Variants in MECOM observed in about 807,000 individuals in gnomAD.
MECOM encodes the protein histone-lysine N-methyltransferase MECOM.
In MECOM, 13 loss-of-function variants were observed where a neutral mutation model predicts 116.3. That is an observed-to-expected ratio of 0.11 (90% CI 0.07 to 0.18). The LOEUF is 0.18. MECOM is among the 10% of genes least tolerant of loss of function. The pLI is 1.00. For missense variants in MECOM, 1,299 were observed against 1,509.0 expected (o/e 0.86, Z 2.31); for synonymous variants, 528 against 535.2 (o/e 0.99, Z 0.19).
intron 2 of MECOM, among the ~76,000 whole-genome samples, chr3:169,161,731 G>A (rs1169585629): frequency 1.3e-5 from 2 of 152,082 alleles, no homozygotes; most frequent in Admixed American, 1.3e-4. Context: ...AACAGAATGA[G>A]GAGAAAGGGA....
intron 2 of MECOM, among the ~76,000 whole-genome samples, chr3:169,378,475 A>AG (rs1731632914): frequency 1.1e-4 from 5 of 43,780 alleles, no homozygotes; most frequent in East Asian, 5.6e-4. Context: ...GCAAGCAAGC[A>AG]AGAAAGAGAG....
rs893369472 is a variant in MECOM, at chr3:169,472,857, G to A, written c.38-91333C>T. 5.7e-5 allele frequency: 25 copies of A among 439,850 alleles called. No individual in the cohort carries two copies. The Admixed American group carries it at 1.5e-3, about 27-fold the overall frequency. The allele number at this position is 439,850 out of a possible 1,614,324, so 27.2% of individuals were successfully genotyped here. ...GTGTTTAACCGACATAAAGTTCAAA[G>A]ACAAGGTCTTAATGACTGCTTACTA... On this transcript the variant is annotated intron_variant, in intron 1 of 16. Transcript: ENST00000651503.
chr3:169,599,430 T>G (rs1370872444), intron 1 of MECOM, among the ~76,000 whole-genome samples: 2 of 151,372 alleles, frequency 1.3e-5, no homozygotes, highest in Non-Finnish European at 2.9e-5. Flanking sequence ...GGAGAATCAC[T>G]TGAACCCAGG....
intron 2 of MECOM, among the ~76,000 whole-genome samples, chr3:169,195,222 G>T (rs1219564139): frequency 6.6e-6 from 1 of 152,016 alleles, no homozygotes; most frequent in Non-Finnish European, 1.5e-5. Context: ...AATTAAACAA[G>T]ATCCTGAATA....
intron 2 of MECOM, among the ~76,000 whole-genome samples, chr3:169,238,174 CAA>C (rs869078937): frequency 1.1e-4 from 8 of 72,062 alleles, no homozygotes; most frequent in Non-Finnish European, 1.9e-4. Context: ...GACTCCATCT[CAA>C]AAAAAAAAAA....
chr3:169,123,844 C>T (rs1172597669), intron 5 of MECOM, among the ~76,000 whole-genome samples: 1 of 152,052 alleles, frequency 6.6e-6, no homozygotes, highest in Non-Finnish European at 1.5e-5. Context: ...AACAGCAACT[C>T]TTTTATCAAT....
intron 1 of MECOM, among the ~76,000 whole-genome samples, chr3:169,556,295 C>T (rs901472614): frequency 1.3e-5 from 2 of 152,098 alleles, no homozygotes; most frequent in Non-Finnish European, 2.9e-5. Context: ...CAGGCTGACT[C>T]GGGGCTCCCA....
intron 2 of MECOM, among the ~76,000 whole-genome samples, chr3:169,287,571 A>G (rs1713586985): frequency 6.6e-6 from 1 of 152,226 alleles, no homozygotes; most frequent in Non-Finnish European, 1.5e-5. Context: ...AGAAACAAAC[A>G]TGGGTAGTTG....
At chr3:169,120,928 A>G (rs895778181) in intron 7 of MECOM, 128 bp downstream of exon 7, 6 of 850,322 alleles carry the variant, frequency 7.1e-6, no homozygotes, top group Non-Finnish European at 1.0e-5. Context: ...AAATAGCCCT[A>G]CTGGATTGGA....
intron 1 of MECOM, among the ~76,000 whole-genome samples, chr3:169,477,703 T>C (rs1378696429): frequency 6.6e-6 from 1 of 152,214 alleles, no homozygotes; most frequent in Non-Finnish European, 1.5e-5. Flanking sequence ...TAAATCCTTA[T>C]GCAGACTTTT....
At chr3:169,517,610 G>A (rs1345597333) in intron 1 of MECOM, among the ~76,000 whole-genome samples, 1 of 151,842 alleles carries the variant, frequency 6.6e-6, no homozygotes, top group Non-Finnish European at 1.5e-5. Flanking sequence ...AAAGTTTTTC[G>A]ATAATCTTAT....
At chr3:169,381,990 T>C (rs946988050) in intron 1 of MECOM, among the ~76,000 whole-genome samples, 9 of 152,196 alleles carry the variant, frequency 5.9e-5, no homozygotes, top group African/African-American at 2.2e-4. Context: ...GGCTGCCATG[T>C]GCCACAAGGC....
intron 1 of MECOM, among the ~76,000 whole-genome samples, chr3:169,385,269 A>G (rs1276006898): frequency 6.6e-6 from 1 of 152,206 alleles, no homozygotes; most frequent in Non-Finnish European, 1.5e-5. Context: ...GTGTGTGCCC[A>G]GGCAGCTGCA....
chr3:169,328,792 T>C (rs1210767927), intron 2 of MECOM, among the ~76,000 whole-genome samples: 1 of 152,146 alleles, frequency 6.6e-6, no homozygotes, highest in Non-Finnish European at 1.5e-5. Flanking sequence ...AAGGTCAACC[T>C]CCTGTTCGCT....
At chr3:169,481,645 T>C (rs1751299938) in intron 1 of MECOM, among the ~76,000 whole-genome samples, 1 of 132,450 alleles carries the variant, frequency 7.6e-6, no homozygotes, top group Non-Finnish European at 1.6e-5. Flanking sequence ...AATAAATATA[T>C]ATTATTCCAG....
At chr3:169,413,171 G>A (rs1408955130) in intron 1 of MECOM, among the ~76,000 whole-genome samples, 6 of 152,184 alleles carry the variant, frequency 3.9e-5, no homozygotes, top group Non-Finnish European at 5.9e-5. Context: ...ATCTCACTGG[G>A]ACTGGTTAGA....
intron 2 of MECOM, among the ~76,000 whole-genome samples, chr3:169,242,790 T>G (rs1755050456): frequency 6.6e-6 from 1 of 152,134 alleles, no homozygotes; most frequent in Non-Finnish European, 1.5e-5. Flanking sequence ...TTATCATAAC[T>G]TTGAGGGCCA....
At chr3:169,494,678 C>T (rs1045342946) in intron 1 of MECOM, among the ~76,000 whole-genome samples, 1 of 152,178 alleles carries the variant, frequency 6.6e-6, no homozygotes, top group Admixed American at 6.5e-5. Flanking sequence ...TTTTAAAGCA[C>T]TTATTCTTCA....
At chr3:169,351,665 C>T (rs1345566784) in intron 2 of MECOM, among the ~76,000 whole-genome samples, 1 of 151,720 alleles carries the variant, frequency 6.6e-6, no homozygotes, top group Non-Finnish European at 1.5e-5. Context: ...CTTATTTTTA[C>T]CACACTCTTT....
Sources: gnomAD v4.1 joint callset for allele counts (sites outside exome capture counted in the v4.1 genomes callset) on GRCh38, gnomAD v4.1.1 for gene constraint, MANE v1.5 for transcripts, NCBI Gene and HGNC (gene_info 2026-07-23, HGNC 2026-07-21) for gene names.